Variants in JARID2 observed in about 807,000 individuals in gnomAD.
JARID2 encodes jumonji and AT-rich interaction domain containing 2, also known as protein Jumonji.
Under a neutral mutation model 125.6 loss-of-function variants are expected in JARID2, and 21 were observed. The ratio of observed to expected loss-of-function variants is 0.17; its 90% CI spans 0.12 to 0.24. The LOEUF (loss-of-function observed/expected upper bound fraction) is 0.24, where lower values mean the gene tolerates loss of function less well. Ranked by LOEUF, JARID2 falls within the 10% of genes least tolerant of loss-of-function variation. JARID2 has a pLI of 1.00. For missense variants in JARID2, 1,303 were observed against 1,639.6 expected, an observed-to-expected ratio of 0.79 and a Z score of 3.55; for synonymous variants, 736 against 661.6, an observed-to-expected ratio of 1.11 and a Z score of -1.73.
At position 15,520,198 on chromosome 6, in the gene JARID2, C is replaced by A. The variant is rs186488359; in HGVS notation, c.3688C>A (p.Pro1230Thr). 1.2e-6 allele frequency: 2 copies of A among 1,613,524 alleles called. No individual in the cohort carries two copies. Among genetic ancestry groups the A allele is most frequent in the African/African-American group, 1.3e-5 (1 of 74,994 alleles). Residue 1230 changes from proline (P) to threonine (T), a missense_variant, in exon 18 of 18, where the codon CCC (proline) becomes ACC (threonine). Pro to Thr is a conservative substitution (Grantham distance 38). Transcript: ENST00000341776. ...PRKRATVDVP[P>T]SRLSASSSSK... ...CAAGAGAGCGACAGTGGACGTGCCC[C>A]CCTCCCGTCTGTCAGCCTCCAGTTC...
intron 17 of JARID2, among the ~76,000 whole-genome samples, chr6:15,519,118 G>A (rs896776636): frequency 2.0e-5 from 3 of 152,148 alleles, no homozygotes; most frequent in Non-Finnish European, 2.9e-5. Context: ...CCCACCTGTC[G>A]AGCTGCACGC....
intron 3 of JARID2, among the ~76,000 whole-genome samples, chr6:15,415,458 T>C (rs1561847118): frequency 7.4e-6 from 1 of 135,218 alleles, no homozygotes; most frequent in African/African-American, 2.8e-5. Flanking sequence ...CACCCCCACC[T>C]CCCTCCCGCA....
In JARID2 at chr6:15,512,327, C is replaced by T. The variant is rs200920230; in HGVS notation, c.3072C>T (p.Ser1024=). The T allele has an allele frequency of 6.0e-5, 97 of 1,614,132 alleles. No individual in the cohort carries two copies. In the East Asian group the frequency reaches 1.4e-3, roughly 24 times the overall value. ...SFVSKVCCGY[S]VSETVHFATT... ...TGTCCAAAGTGTGCTGTGGGTACAGCGTGTCTGAAACCGTGCACTTTGCTA... is the reference window on the plus strand; with the variant it reads ...TGTCCAAAGTGTGCTGTGGGTACAGTGTGTCTGAAACCGTGCACTTTGCTA... Residue 1024 remains serine (S), a synonymous_variant, in exon 14 of 18, where the codon AGC becomes AGT. Coordinates refer to ENST00000341776, the MANE Select transcript of JARID2 (RefSeq NM_004973.4).
chr6:15,387,236 T>C (rs764139209), intron 2 of JARID2, among the ~76,000 whole-genome samples: 9 of 152,170 alleles, frequency 5.9e-5, no homozygotes, highest in Non-Finnish European at 1.0e-4. Context: ...GCCAAGACAG[T>C]GTGCGTGTGC....
intron 1 of JARID2, among the ~76,000 whole-genome samples, chr6:15,289,191 G>T (rs371311973): frequency 6.6e-6 from 1 of 152,012 alleles, no homozygotes; most frequent in Non-Finnish European, 1.5e-5. Flanking sequence ...AGCATCGAGG[G>T]ACACAAGAAT....
rs998272461 is a variant in JARID2 at position 15,452,189 on chromosome 6, A to G, written c.493+14A>G. 8.7e-6 allele frequency: 14 copies of G among 1,613,398 alleles called. No homozygotes were observed. Among genetic ancestry groups the G allele is most frequent in the Admixed American group, 1.7e-5 (1 of 59,978 alleles). ...TCTGCCTTCGAGGTAAGACTTTGCA[A>G]CCATCGGCGGAGGTCTACGTGGAAT... On this transcript the variant is annotated intron_variant, in intron 4 of 17. Transcript: ENST00000341776.
chr6:15,335,068 T>C (rs1472945535), intron 1 of JARID2, among the ~76,000 whole-genome samples: 1 of 152,186 alleles, frequency 6.6e-6, no homozygotes, highest in Non-Finnish European at 1.5e-5. Context: ...CCCCAGGGGA[T>C]ATTCAGTCCA....
intron 4 of JARID2, among the ~76,000 whole-genome samples, chr6:15,453,725 G>T (rs943258263): frequency 6.6e-6 from 1 of 152,090 alleles, no homozygotes; most frequent in African/African-American, 2.4e-5. Context: ...CCAGATCACC[G>T]CCTCATCCGT....
intron 16 of JARID2, among the ~76,000 whole-genome samples, chr6:15,516,553 G>A (rs1481805203): frequency 8.5e-5 from 13 of 152,218 alleles, no homozygotes; most frequent in Admixed American, 6.5e-5. Flanking sequence ...TGAGGTCATC[G>A]GCGTCACAGC....
intron 2 of JARID2, chr6:15,400,889 TCCTCCCTC>T: frequency 5.4e-6 from 7 of 1,288,122 alleles, no homozygotes; most frequent in Non-Finnish European, 7.1e-6. Context: ...ACTGCGCTCT[TCCTCCCTC>T]CCTCCCTCTG....
intron 2 of JARID2, among the ~76,000 whole-genome samples, chr6:15,385,769 C>T (rs373154169): frequency 1.3e-5 from 2 of 152,166 alleles, no homozygotes; most frequent in African/African-American, 4.8e-5. Flanking sequence ...GGATGTGCCA[C>T]TCTCTGTTCA....
chr6:15,453,891 T>C (rs929334374), intron 4 of JARID2, among the ~76,000 whole-genome samples: 2 of 152,116 alleles, frequency 1.3e-5, no homozygotes, highest in Non-Finnish European at 2.9e-5. Flanking sequence ...TGCTTTCTTA[T>C]AGGGATAAGT....
Position 15,501,389 on chromosome 6 carries a change from T to G in JARID2, c.2428T>G (p.Phe810Val). The G allele has an allele frequency of 6.5e-7, 1 of 1,549,416 alleles. No individual in the cohort carries two copies. The highest frequency in any genetic ancestry group is 8.7e-7 in the Non-Finnish European group (1 of 1,148,516). The change falls in exon 8 of 18, where the codon TTC becomes GTC. Residue 810 changes from phenylalanine (F) to valine (V), a missense_variant. Around this residue, in one of 11 missense-constraint regions of JARID2, gnomAD observed 124 missense variants for 131.0 expected, o/e 0.95. Transcript: ENST00000341776. ...EEEDKGVLND[F>V]HKCIYKGRSV... ...GGAGGACAAAGGCGTCCTCAATGAC[T>G]TCCACAAGTGCATCTATAAGGTAGG...
chr6:15,400,889 T>TCCTCCCTC, intron 2 of JARID2: 1 of 1,288,126 alleles, frequency 7.8e-7, no homozygotes, highest in Non-Finnish European at 1.0e-6. Context: ...ACTGCGCTCT[T>TCCTCCCTC]CCTCCCTCCC....
chr6:15,383,553 C>T (rs1764671916), intron 2 of JARID2, among the ~76,000 whole-genome samples: 1 of 152,060 alleles, frequency 6.6e-6, no homozygotes, highest in Admixed American at 6.6e-5. Context: ...TAGCAAAATC[C>T]CCCATAAGAA....
At chr6:15,418,400 T>C (rs2127583051) in intron 3 of JARID2, among the ~76,000 whole-genome samples, 1 of 152,192 alleles carries the variant, frequency 6.6e-6, no homozygotes, top group East Asian at 1.9e-4. Flanking sequence ...GTATTTTTAG[T>C]AGAGACGGTT....
At chr6:15,385,509 A>G (rs915482778) in intron 2 of JARID2, among the ~76,000 whole-genome samples, 1 of 150,592 alleles carries the variant, frequency 6.6e-6, no homozygotes. Context: ...TTTTTAAGAT[A>G]TAGTTTTTTA....
At chr6:15,477,845 A>AT (rs1769422082) in intron 5 of JARID2, among the ~76,000 whole-genome samples, 1 of 152,202 alleles carries the variant, frequency 6.6e-6, no homozygotes, top group African/African-American at 2.4e-5. Flanking sequence ...GAACAACCTT[A>AT]TAATTGCTAG....
At chr6:15,501,522 T>C in intron 8 of JARID2, 113 bp downstream of exon 8, 1 of 1,058,836 alleles carries the variant, frequency 9.4e-7, no homozygotes, top group Non-Finnish European at 1.3e-6. Flanking sequence ...CCTGGGGTGA[T>C]GAGGGGGCGG....
Sources: gnomAD v4.1 joint callset for allele counts (sites outside exome capture counted in the v4.1 genomes callset) on GRCh38, gnomAD v4.1.1 for gene constraint, gnomAD v4.1.1 regional missense constraint, MANE v1.5 for transcripts, NCBI Gene and HGNC (gene_info 2026-07-23, HGNC 2026-07-21) for gene names.